KCNQ1: variants seen among roughly 807,000 people sequenced by gnomAD.
KCNQ1 encodes potassium voltage-gated channel subfamily Q member 1, also known as potassium voltage-gated channel subfamily KQT member 1.
In KCNQ1, 49 loss-of-function variants were observed where a neutral mutation model predicts 72.4. That is an observed-to-expected ratio of 0.68 (90% CI 0.54 to 0.86). The LOEUF (loss-of-function observed/expected upper bound fraction) is 0.86. Ranked by LOEUF, KCNQ1 falls within the 40% of genes least tolerant of loss-of-function variation. KCNQ1 has a pLI of 0.00. For missense variants in KCNQ1, 790 were observed against 945.1 expected (o/e 0.84, Z 2.15); for synonymous variants, 450 against 412.6 (o/e 1.09, Z -1.10).
intron 1 of KCNQ1, among the ~76,000 whole-genome samples, chr11:2,511,553 G>T (rs1002791600): frequency 6.6e-6 from 1 of 152,294 alleles, no homozygotes; most frequent in African/African-American, 2.4e-5. Context: ...GCTCCCAGCC[G>T]CTGTGTAGAG....
rs1221779134 is a variant in KCNQ1 at position 2,663,443 on chromosome 11, C to A, written c.1514+1362C>A. On this transcript the variant is annotated intron_variant, in intron 11 of 15. Transcript: ENST00000155840. This position sits in a 1 kb window ranked among gnomAD's most constrained non-coding sequence, Gnocchi z 5.2. ...TGTACCAAGTCCTGGATATGATGGACCTCCAAAGTGATCAGTGTTAGTTTA... is the reference window on the plus strand; with the variant it reads ...TGTACCAAGTCCTGGATATGATGGAACTCCAAAGTGATCAGTGTTAGTTTA... 12 of 398,780 alleles carry A rather than the reference C, an allele frequency of 3.0e-5. No individual in the cohort carries two copies. The South Asian group carries it at 1.5e-3, about 51-fold the overall frequency. 24.7% of individuals were successfully genotyped at this position (398,780 alleles called of 1,614,324 possible).
chr11:2,612,159 A>G lies in KCNQ1; in HGVS notation c.1393+23305A>G. On this transcript the variant is annotated intron_variant, in intron 10 of 15. Transcript: ENST00000155840. This position sits in a 1 kb window ranked among gnomAD's most constrained non-coding sequence, Gnocchi z 5.5. ...TCTGTGGCCTATTAGAAACTGGGCT[A>G]CACAGCAGGAGGTGAGCAGCAGGCA... is the stretch of plus-strand genomic sequence containing the variant. 2.5e-6 allele frequency: 1 copy of G among 398,646 alleles called. No homozygotes were observed. Among genetic ancestry groups the G allele is most frequent in the Admixed American group, 4.4e-5 (1 of 22,730 alleles). 24.7% of individuals were successfully genotyped at this position (398,646 alleles called of 1,614,324 possible). A position where few individuals can be genotyped will look rare whatever the true frequency, so the allele number is the denominator to read the frequency against.
chr11:2,666,539 CTAA>C (rs1850071511), intron 11 of KCNQ1: 1 of 398,686 alleles, frequency 2.5e-6, no homozygotes. Flanking sequence ...CACATCACTA[CTAA>C]TGTCTCCTGA....
chr11:2,590,385 C>T (rs965148327), intron 10 of KCNQ1, among the ~76,000 whole-genome samples: 2 of 152,240 alleles, frequency 1.3e-5, no homozygotes, highest in African/African-American at 2.4e-5. Context: ...GGCAAATGTT[C>T]GCAGAAGCCC....
Position 2,445,250 on chromosome 11 carries a change from A to G in KCNQ1, c.152A>G (p.Tyr51Cys), listed in dbSNP as rs1214341345. ...AEGGPAGGAL[Y>C]APIAPGAPGP... The stretch of plus-strand genomic sequence containing the variant: ...GGCGGCCCGGCGGGCGGCGCGCTCT[A>G]CGCGCCCATCGCGCCCGGCGCCCCA... The change falls in exon 1 of 16, where the codon TAC becomes TGC. Residue 51 changes from tyrosine (Y) to cysteine (C), a missense_variant. By Grantham distance (194) the Tyr-to-Cys change is radical. Around this residue, in one of 5 missense-constraint regions of KCNQ1, gnomAD observed 294 missense variants for 323.3 expected, o/e 0.91. Coordinates refer to ENST00000155840, the MANE Select transcript of KCNQ1 (RefSeq NM_000218.3). 2 of 1,199,352 alleles carry G rather than the reference A, an allele frequency of 1.7e-6. No homozygotes were observed. The highest frequency in any genetic ancestry group is 3.2e-5 in the African/African-American group (2 of 61,654). 74.3% of individuals were successfully genotyped at this position (1,199,352 alleles called of 1,614,324 possible).
intron 5 of KCNQ1, among the ~76,000 whole-genome samples, chr11:2,572,604 C>T (rs554932375): frequency 1.4e-4 from 22 of 152,326 alleles, no homozygotes; most frequent in African/African-American, 4.6e-4. Flanking sequence ...GAGCCCGCGC[C>T]GGCCCAGACA....
At position 2,626,635 on chromosome 11, in the gene KCNQ1, C is replaced by A. The variant is rs948408213; in HGVS notation, c.1394-35326C>A. On this transcript the variant is annotated intron_variant, in intron 10 of 15. Coordinates refer to ENST00000155840, the MANE Select transcript of KCNQ1 (RefSeq NM_000218.3). The surrounding 1 kb of genome is among the most constrained non-coding windows in gnomAD (Gnocchi z 4.0). ...CCTCAATCTCCCAGGCTCAAGCAAT[C>A]CTCCCACCTCGGCTTCTTGAGTAGC... 4.3e-5 allele frequency: 17 copies of A among 398,516 alleles called. No homozygotes were observed. The highest frequency in any genetic ancestry group is 7.1e-5 in the Non-Finnish European group (16 of 226,112). 24.7% of individuals were successfully genotyped at this position (398,516 alleles called of 1,614,324 possible). A position where few individuals can be genotyped will look rare whatever the true frequency, so the allele number is the denominator to read the frequency against.
chr11:2,455,269 T>C (rs1846171250), intron 1 of KCNQ1, among the ~76,000 whole-genome samples: 1 of 152,146 alleles, frequency 6.6e-6, no homozygotes. Context: ...GGCTAATTTT[T>C]TGTATTTTTT....
At chr11:2,776,924 G>T in intron 13 of KCNQ1, 62 bp from the exon 14 acceptor site, 2 of 1,513,444 alleles carry the variant, frequency 1.3e-6, no homozygotes, top group South Asian at 2.3e-5. Flanking sequence ...TCCCACAGAC[G>T]ACAGTGCATC....
chr11:2,569,570 G>A lies in KCNQ1; in HGVS notation c.478-1058G>A, dbSNP rs536355639. Among the ~76,000 whole-genome samples the A allele has an allele frequency of 9.4e-4, 143 of 152,336 alleles. 1 individual carries two copies. Among genetic ancestry groups the A allele is most frequent in the Non-Finnish European group, 1.6e-3 (111 of 68,030 alleles). On this transcript the variant is annotated intron_variant, in intron 2 of 15. Coordinates refer to ENST00000155840, the MANE Select transcript of KCNQ1 (RefSeq NM_000218.3). ...CCGCCGGAAGTGGGCCTGAGACGCC[G>A]TATGCCTGTGGCTTTGTGGCTTTGT...
chr11:2,581,964 C>G (rs1471006531), intron 6 of KCNQ1, among the ~76,000 whole-genome samples: 1 of 152,192 alleles, frequency 6.6e-6, no homozygotes, highest in Non-Finnish European at 1.5e-5. Flanking sequence ...CTGCAAGCAG[C>G]CTCTGCAGAA....
At chr11:2,631,227 C>G in intron 10 of KCNQ1, 2 of 398,522 alleles carry the variant, frequency 5.0e-6, no homozygotes, top group Non-Finnish European at 8.8e-6. Context: ...TGAACATTAA[C>G]TCTCCTGATG....
At chr11:2,616,525 G>A in intron 10 of KCNQ1, 3 of 397,928 alleles carry the variant, frequency 7.5e-6, no homozygotes, top group Non-Finnish European at 8.9e-6. Flanking sequence ...GGCATTCACA[G>A]CTATAATTTT....
chr11:2,808,512 G>T lies in KCNQ1; in HGVS notation c.1794+30475G>T, dbSNP rs778693437. Among the ~76,000 whole-genome samples the T allele has an allele frequency of 6.6e-6, 1 of 151,980 alleles. No homozygotes were observed. The highest frequency in any genetic ancestry group is 1.5e-5 in the Non-Finnish European group (1 of 68,024). On this transcript the variant is annotated intron_variant, in intron 15 of 15. Coordinates refer to ENST00000155840, the MANE Select transcript of KCNQ1 (RefSeq NM_000218.3). The surrounding 1 kb of genome is among the most constrained non-coding windows in gnomAD (Gnocchi z 6.0). ...CTCTGATGCAGAACTGAGCAGAGAA[G>T]AAAACAAAAGAGGACCATAATATCT... is the stretch of plus-strand genomic sequence containing the variant.
chr11:2,714,566 A>G (rs758147691), intron 11 of KCNQ1, among the ~76,000 whole-genome samples: 1 of 151,936 alleles, frequency 6.6e-6, no homozygotes, highest in Non-Finnish European at 1.5e-5. Context: ...AGCTGCAGGG[A>G]GTGTTGGGTG....
chr11:2,693,531 G>A, intron 11 of KCNQ1: 1 of 398,680 alleles, frequency 2.5e-6, no homozygotes, highest in Non-Finnish European at 4.4e-6. Context: ...TGAGGCCCGG[G>A]CTGCTAGGGA....
intron 10 of KCNQ1, chr11:2,618,642 TTTCAGAACAG>T (rs1371212491): frequency 2.5e-5 from 10 of 398,504 alleles, no homozygotes; most frequent in Non-Finnish European, 4.0e-5. Context: ...TCCCTTTGTT[TTTCAGAACAG>T]AATTTTCAGA....
At chr11:2,731,202 G>T (rs967441670) in intron 11 of KCNQ1, among the ~76,000 whole-genome samples, 1 of 152,200 alleles carries the variant, frequency 6.6e-6, no homozygotes, top group African/African-American at 2.4e-5. Flanking sequence ...ACTCGAGGGG[G>T]TGCTGAATTC....
At chr11:2,585,044 C>G (rs1000697473) in intron 7 of KCNQ1, among the ~76,000 whole-genome samples, 168 bp from the exon 8 acceptor site, 2 of 152,218 alleles carry the variant, frequency 1.3e-5, no homozygotes, top group Admixed American at 1.3e-4. Context: ...TTCTGCCCCC[C>G]ATGCTGGCCC....
Sources: gnomAD v4.1 joint callset for allele counts (sites outside exome capture counted in the v4.1 genomes callset) on GRCh38, gnomAD v4.1.1 for gene constraint, gnomAD v4.1.1 regional missense constraint, Gnocchi (gnomAD v3.1) non-coding constraint, MANE v1.5 for transcripts, NCBI Gene and HGNC (gene_info 2026-07-23, HGNC 2026-07-21) for gene names.